The following HS6ST3 variants were observed in gnomAD, a reference collection of about 807,000 sequenced individuals.
HS6ST3 encodes heparan-sulfate 6-O-sulfotransferase 3.
Under a neutral mutation model 36.7 loss-of-function variants are expected in HS6ST3, and 12 were observed. The ratio of observed to expected loss-of-function variants is 0.33; its 90% CI spans 0.21 to 0.53. The LOEUF (loss-of-function observed/expected upper bound fraction) is 0.53. Ranked by LOEUF, HS6ST3 falls within the 20% of genes least tolerant of loss-of-function variation. The pLI is 0.95. For synonymous variants in HS6ST3, 240 were observed against 257.5 expected (o/e 0.93, Z 0.65); for missense variants, 584 against 640.9 (o/e 0.91, Z 0.96).
At chr13:96,769,784 G>C (rs896474697) in intron 1 of HS6ST3, among the ~76,000 whole-genome samples, 72 of 148,056 alleles carry the variant, frequency 4.9e-4, no homozygotes, top group African/African-American at 1.6e-3. Flanking sequence ...GCGCACATAT[G>C]TATTCTAGTT....
chr13:96,098,245 G>T (rs902788331), intron 1 of HS6ST3, among the ~76,000 whole-genome samples: 1 of 152,162 alleles, frequency 6.6e-6, no homozygotes, highest in Non-Finnish European at 1.5e-5. Flanking sequence ...AAAAAAATCA[G>T]CCTAAACTGA....
At chr13:96,129,236 A>G (rs1015507713) in intron 1 of HS6ST3, among the ~76,000 whole-genome samples, 1 of 152,172 alleles carries the variant, frequency 6.6e-6, no homozygotes, top group Non-Finnish European at 1.5e-5. Flanking sequence ...AAACATGAAA[A>G]TGTTGGTGGT....
intron 1 of HS6ST3, among the ~76,000 whole-genome samples, chr13:96,536,899 C>T (rs557787319): frequency 3.6e-4 from 55 of 152,136 alleles, no homozygotes; most frequent in Non-Finnish European, 6.0e-4. Flanking sequence ...CTTCCACCTA[C>T]CTATACAGGT....
At chr13:96,568,310 A>G (rs1467405914) in intron 1 of HS6ST3, among the ~76,000 whole-genome samples, 1 of 152,210 alleles carries the variant, frequency 6.6e-6, no homozygotes, top group Non-Finnish European at 1.5e-5. Context: ...TCTGTCACCC[A>G]GGCTGGAGTT....
At chr13:96,677,916 A>C (rs1041066017) in intron 1 of HS6ST3, among the ~76,000 whole-genome samples, 2 of 152,134 alleles carry the variant, frequency 1.3e-5, no homozygotes, top group African/African-American at 2.4e-5. Flanking sequence ...CGGGCCTGTA[A>C]TATTTGTCAA....
chr13:96,758,210 T>C (rs1283574633), intron 1 of HS6ST3, among the ~76,000 whole-genome samples: 1 of 151,960 alleles, frequency 6.6e-6, no homozygotes, highest in Admixed American at 6.6e-5. Flanking sequence ...ATCTAAGTTG[T>C]CAATTATTTT....
intron 1 of HS6ST3, among the ~76,000 whole-genome samples, chr13:96,648,671 G>T (rs1402364130): frequency 5.9e-5 from 9 of 151,590 alleles, no homozygotes; most frequent in Non-Finnish European, 1.2e-4. Context: ...CCCACAACAG[G>T]CCCCAGTCTG....
At chr13:96,616,213 T>C (rs1345608913) in intron 1 of HS6ST3, among the ~76,000 whole-genome samples, 5 of 152,162 alleles carry the variant, frequency 3.3e-5, no homozygotes. Context: ...CTGTATCCCA[T>C]GGTAATGGTC....
chr13:96,173,649 A>C (rs192694243), intron 1 of HS6ST3, among the ~76,000 whole-genome samples: 7 of 143,098 alleles, frequency 4.9e-5, no homozygotes, highest in Admixed American at 2.1e-4. Context: ...ACTTCTTTGA[A>C]TAGGCAGAGT....
At chr13:96,692,498 A>G (rs1874992632) in intron 1 of HS6ST3, among the ~76,000 whole-genome samples, 1 of 152,304 alleles carries the variant, frequency 6.6e-6, no homozygotes, top group South Asian at 2.1e-4. Context: ...AACCAACTGT[A>G]TATTCAAGGA....
At chr13:96,441,203 G>C (rs185351018) in intron 1 of HS6ST3, among the ~76,000 whole-genome samples, 1 of 152,200 alleles carries the variant, frequency 6.6e-6, no homozygotes, top group African/African-American at 2.4e-5. Context: ...ACAAATAAAT[G>C]CTTGTTGTTT....
chr13:96,133,944 T>C (rs774311129), intron 1 of HS6ST3, among the ~76,000 whole-genome samples: 7 of 152,086 alleles, frequency 4.6e-5, no homozygotes, highest in Non-Finnish European at 8.8e-5. Flanking sequence ...GTAATCCATT[T>C]TGAGTTGATT....
intron 1 of HS6ST3, among the ~76,000 whole-genome samples, chr13:96,553,643 C>A (rs1566394717): frequency 6.6e-6 from 1 of 152,202 alleles, no homozygotes; most frequent in East Asian, 1.9e-4. Context: ...TGAAATGTAG[C>A]CCTGCACAGA....
intron 1 of HS6ST3, among the ~76,000 whole-genome samples, chr13:96,171,184 A>G (rs534293429): frequency 2.6e-5 from 4 of 152,392 alleles, no homozygotes; most frequent in South Asian, 4.1e-4. Flanking sequence ...TTTTAAAAAT[A>G]TGAAACCTTA....
chr13:96,417,228 C>T (rs1431176880), intron 1 of HS6ST3, among the ~76,000 whole-genome samples: 1 of 152,042 alleles, frequency 6.6e-6, no homozygotes, highest in Non-Finnish European at 1.5e-5. Context: ...TAAATTGATT[C>T]ATTTACCTAA....
At chr13:96,808,560 C>T (rs556740734) in intron 1 of HS6ST3, among the ~76,000 whole-genome samples, 4 of 152,132 alleles carry the variant, frequency 2.6e-5, no homozygotes, top group African/African-American at 4.8e-5. Flanking sequence ...GTGACTTGAA[C>T]GTAAAATAAG....
rs1397594988 is a variant in HS6ST3, at chr13:96,090,650, GCGCCCGCCTCCCC to G, written c.-206_-194del. 6.8e-6 allele frequency among the ~76,000 whole-genome samples: 1 copy of G among 146,486 alleles called. No individual in the cohort carries two copies. The highest frequency in any genetic ancestry group is 1.5e-5 in the Non-Finnish European group (1 of 65,926). On this transcript the variant is annotated 5_prime_UTR_variant, in exon 1 of 2. Transcript: ENST00000376705. ...GCCGCAGCCGCAGCCGAGCGCGCCGGCGCCCGCCTCCCCCGCCCGGCTCGCAGGCCCCGGCTCC... is the reference window on the plus strand; with the variant it reads ...GCCGCAGCCGCAGCCGAGCGCGCCGGCGCCCGGCTCGCAGGCCCCGGCTCC...
At chr13:96,300,103 A>T (rs924407814) in intron 1 of HS6ST3, among the ~76,000 whole-genome samples, 4 of 123,080 alleles carry the variant, frequency 3.2e-5, no homozygotes, top group African/African-American at 6.3e-5. Context: ...GTCACCCAGG[A>T]TGGAGTGCAG....
intron 1 of HS6ST3, among the ~76,000 whole-genome samples, chr13:96,367,788 C>T (rs1925103): frequency 0.84 from 127,740 of 152,168 alleles, 54,052 homozygotes; most frequent in South Asian, 0.91. Flanking sequence ...CCAACCTAAT[C>T]GGAAGGGCTT....
Sources: allele counts gnomAD v4.1 joint callset (sites outside exome capture counted in the v4.1 genomes callset), GRCh38; gene constraint gnomAD v4.1.1; transcripts MANE v1.5; gene names NCBI Gene and HGNC (gene_info 2026-07-23, HGNC 2026-07-21).